MAX: variants seen among roughly 807,000 people sequenced by gnomAD.
The protein encoded by MAX is protein max.
In MAX, 3 loss-of-function variants were observed where a neutral mutation model predicts 22.3. The observed-to-expected ratio is 0.13, with a 90% CI of 0.06 to 0.35. The LOEUF is 0.35. MAX is among the 10% of genes least tolerant of loss of function. The pLI is 1.00. For missense variants in MAX, 119 were observed against 209.4 expected, an observed-to-expected ratio of 0.57 and a Z score of 2.66; for synonymous variants, 72 against 77.7, an observed-to-expected ratio of 0.93 and a Z score of 0.39.
At chr14:65,096,480 T>G (rs2063679006) in intron 2 of MAX, among the ~76,000 whole-genome samples, 1 of 152,216 alleles carries the variant, frequency 6.6e-6, no homozygotes, top group Non-Finnish European at 1.5e-5. Flanking sequence ...GAATTCTCTG[T>G]GGGAAACATT....
At chr14:65,038,713 G>A (rs1346234100) in intron 3 of MAX, among the ~76,000 whole-genome samples, 1 of 152,156 alleles carries the variant, frequency 6.6e-6, no homozygotes, top group East Asian at 1.9e-4. Flanking sequence ...GCGAGACTCT[G>A]TCTCAAAAAT....
rs913616329 is a variant in MAX at position 65,057,426 on chromosome 14, C to G, written c.171+36282G>C. ...AGAGTGAGACCCTGCCCCCAGCACC[C>G]CTTCCCCACAAAAATATTTTAATAT... On this transcript the variant is annotated intron_variant, in intron 3 of 3. Transcript: ENST00000341653. Among the ~76,000 whole-genome samples, 4 of 152,172 alleles carry G rather than the reference C, an allele frequency of 2.6e-5. No individual in the cohort carries two copies. The South Asian group carries it at 8.3e-4, about 32-fold the overall frequency.
chr14:65,060,759 G>C (rs1033865031), intron 3 of MAX, among the ~76,000 whole-genome samples: 6 of 146,610 alleles, frequency 4.1e-5, no homozygotes, highest in African/African-American at 1.5e-4. Context: ...TGTAATCCCA[G>C]CTACTCAGGA....
rs2063097567 is a variant in MAX at position 65,077,747 on chromosome 14, C to T, written c.295+166G>A. ...TCCTCACTGGCGCCTCAGGTCCTTCCTCAGGACGGCTCTAACACTCAGTTA... is the reference window on the plus strand; with the variant it reads ...TCCTCACTGGCGCCTCAGGTCCTTCTTCAGGACGGCTCTAACACTCAGTTA... On this transcript the variant is annotated intron_variant, in intron 4 of 4. Transcript: ENST00000358664. This position sits in a 1 kb window ranked among gnomAD's most constrained non-coding sequence, Gnocchi z 6.3. 8 of 1,609,688 alleles carry T rather than the reference C, an allele frequency of 5.0e-6. No individual in the cohort carries two copies. Among genetic ancestry groups the T allele is most frequent in the Admixed American group, 3.4e-5 (2 of 59,566 alleles).
intron 3 of MAX, among the ~76,000 whole-genome samples, chr14:65,063,318 C>A (rs1420667217): frequency 6.6e-6 from 1 of 152,132 alleles, no homozygotes; most frequent in Non-Finnish European, 1.5e-5. Context: ...TCTCAGCACT[C>A]GGAGCCTCAA....
chr14:65,099,967 T>C (rs2063784875), intron 2 of MAX, among the ~76,000 whole-genome samples: 1 of 152,210 alleles, frequency 6.6e-6, no homozygotes, highest in South Asian at 2.1e-4. Context: ...TGCACAATCT[T>C]TGCTTGCTCT....
chr14:65,060,675 G>A (rs1278085966), intron 3 of MAX, among the ~76,000 whole-genome samples: 6 of 85,756 alleles, frequency 7.0e-5, no homozygotes, highest in East Asian at 7.6e-4. Context: ...CAGCCTGGGC[G>A]ACAGAGCGAG....
chr14:65,040,575 G>A (rs2062328517), intron 3 of MAX, among the ~76,000 whole-genome samples: 1 of 150,654 alleles, frequency 6.6e-6, no homozygotes, highest in Non-Finnish European at 1.5e-5. Context: ...TGAGCAGCTG[G>A]GATTACACAT....
rs2063126047 is a variant in MAX at position 65,078,586 on chromosome 14, G to A, written c.172-550C>T. 2.0e-5 allele frequency among the ~76,000 whole-genome samples: 3 copies of A among 150,792 alleles called. No homozygotes were observed. The highest frequency in any genetic ancestry group is 6.6e-5 in the Admixed American group (1 of 15,162). On this transcript the variant is annotated intron_variant, in intron 3 of 4. Coordinates refer to ENST00000358664, the MANE Select transcript of MAX (RefSeq NM_002382.5). The surrounding 1 kb of genome is among the most constrained non-coding windows in gnomAD (Gnocchi z 6.4). ...GCTCTGTTGCCCAGGCTGGAGTAGA[G>A]TGGTGTGATCTCAGCTCACTGCAAC...
chr14:65,034,642 G>A (rs568423094), intron 3 of MAX, among the ~76,000 whole-genome samples: 1 of 152,238 alleles, frequency 6.6e-6, no homozygotes, highest in South Asian at 2.1e-4. Flanking sequence ...CCTGTGTTTG[G>A]TTCTCTTTTA....
At chr14:65,070,280 T>A (rs1208820178), downstream of MAX, among the ~76,000 whole-genome samples, 7 of 152,190 alleles carry the variant, frequency 4.6e-5, no homozygotes, top group Non-Finnish European at 1.0e-4. This position sits in a 1 kb window ranked among gnomAD's most constrained non-coding sequence, Gnocchi z 4.4. Context: ...TCCTTCACCA[T>A]GTTCAGCACT....
Position 65,075,564 on chromosome 14 carries a change from A to T in MAX, c.*912T>A, listed in dbSNP as rs2063036350. On this transcript the variant is annotated 3_prime_UTR_variant, in exon 5 of 5. Coordinates refer to ENST00000358664, the MANE Select transcript of MAX (RefSeq NM_002382.5). The surrounding 1 kb of genome is among the most constrained non-coding windows in gnomAD (Gnocchi z 4.1). ...GAAAGAAAGATTTCATCATTACTTTATGAATCTGTCGCTTTGCAAGACCGA... is the reference window on the plus strand; with the variant it reads ...GAAAGAAAGATTTCATCATTACTTTTTGAATCTGTCGCTTTGCAAGACCGA... The T allele has an allele frequency of 4.7e-6, 5 of 1,066,138 alleles. No individual in the cohort carries two copies. The highest frequency in any genetic ancestry group is 5.7e-6 in the Non-Finnish European group (5 of 879,536). The allele number at this position is 1,066,138 out of a possible 1,614,324, so 66.0% of individuals were successfully genotyped here.
intron 3 of MAX, among the ~76,000 whole-genome samples, chr14:65,092,993 T>C (rs1291382926): frequency 6.6e-6 from 1 of 152,228 alleles, no homozygotes; most frequent in Admixed American, 6.5e-5. Flanking sequence ...ATGCAGATGT[T>C]TTCTCCAAAT....
intron 3 of MAX, among the ~76,000 whole-genome samples, chr14:65,020,499 C>T (rs970797743): frequency 3.9e-5 from 6 of 152,154 alleles, no homozygotes; most frequent in African/African-American, 1.4e-4. Flanking sequence ...GATCTTGGCT[C>T]ACTGCAACCT....
chr14:65,055,508 T>A (rs2062714098), intron 3 of MAX, among the ~76,000 whole-genome samples: 2 of 152,168 alleles, frequency 1.3e-5, no homozygotes, highest in Admixed American at 6.6e-5. Context: ...AAAAAAATTT[T>A]TTTTTTAATT....
chr14:65,013,616 C>T (rs918411014), intron 3 of MAX, among the ~76,000 whole-genome samples: 14 of 152,200 alleles, frequency 9.2e-5, no homozygotes, highest in Admixed American at 7.9e-4. Flanking sequence ...GTGGCATGAT[C>T]GTGAGTCACT....
chr14:65,054,057 GA>G lies in MAX; in HGVS notation c.171+39650del, dbSNP rs1202901706. Among the ~76,000 whole-genome samples, 1 of 151,876 alleles carries G rather than the reference GA, an allele frequency of 6.6e-6. No homozygotes were observed. On this transcript the variant is annotated intron_variant, in intron 3 of 3. Coordinates refer to the MAX transcript ENST00000341653. This position sits in a 1 kb window ranked among gnomAD's most constrained non-coding sequence, Gnocchi z 4.4. ...GTTTAAGGTAAAAAAAGAAAGAAAA[GA>G]AAAAAAATACAGTTCCCACTGCTGG... is the stretch of plus-strand genomic sequence containing the variant.
rs1218503954 is a variant in MAX, at chr14:65,030,028, T to A, written c.172-23744A>T. ...CTGGGTGGAGGGAAAGGGGGAGAAA[T>A]ACATGAAAAGGTTGTATTACGTTTC... On this transcript the variant is annotated intron_variant, in intron 3 of 3. Transcript: ENST00000341653. The surrounding 1 kb of genome is among the most constrained non-coding windows in gnomAD (Gnocchi z 4.5). 6.6e-6 allele frequency among the ~76,000 whole-genome samples: 1 copy of A among 151,946 alleles called. No homozygotes were observed. Among genetic ancestry groups the A allele is most frequent in the African/African-American group, 2.4e-5 (1 of 41,354 alleles).
Position 65,029,351 on chromosome 14 carries a change from A to C in MAX, c.172-23067T>G, listed in dbSNP as rs1595055940. ...AGGAGTGCTTGTTTGGGTGGATTTG[A>C]CTTGGAGAAAAGCAGCAGTGATGGG... On this transcript the variant is annotated intron_variant, in intron 3 of 3. Coordinates refer to the MAX transcript ENST00000341653. This position sits in a 1 kb window ranked among gnomAD's most constrained non-coding sequence, Gnocchi z 4.7. Among the ~76,000 whole-genome samples the C allele has an allele frequency of 6.6e-6, 1 of 152,122 alleles. No homozygotes were observed. The highest frequency in any genetic ancestry group is 2.1e-4 in the South Asian group (1 of 4,830).
Sources: allele counts gnomAD v4.1 joint callset (sites outside exome capture counted in the v4.1 genomes callset), GRCh38; gene constraint gnomAD v4.1.1; non-coding constraint Gnocchi (gnomAD v3.1); transcripts MANE v1.5; gene names NCBI Gene and HGNC (gene_info 2026-07-23, HGNC 2026-07-21).